Variants in KLHL1 observed in about 807,000 individuals in gnomAD.
KLHL1 encodes kelch like family member 1.
KLHL1 carries 47 observed loss-of-function variants against 77.7 expected under a neutral mutation model. The observed-to-expected ratio is 0.60, with a 90% CI of 0.48 to 0.77. The LOEUF is 0.77. Among genes scored for constraint, KLHL1 ranks in the 30% least tolerant of loss-of-function variants. KLHL1 has a pLI of 0.00. For missense variants in KLHL1, 925 were observed against 910.8 expected (o/e 1.02, Z -0.20); for synonymous variants, 360 against 325.2 (o/e 1.11, Z -1.15).
At chr13:69,961,867 T>TA (rs1233437696) in intron 2 of KLHL1, among the ~76,000 whole-genome samples, 1 of 152,052 alleles carries the variant, frequency 6.6e-6, no homozygotes, top group African/African-American at 2.4e-5. Context: ...ATAGTATTTT[T>TA]AAATTAGAAA....
intron 1 of KLHL1, among the ~76,000 whole-genome samples, chr13:70,052,923 G>A (rs1180130847): frequency 1.3e-5 from 2 of 151,880 alleles, no homozygotes; most frequent in Non-Finnish European, 2.9e-5. Flanking sequence ...AATCTATTGT[G>A]ATATTCACAA....
At chr13:70,039,334 A>G (rs1886316240) in intron 1 of KLHL1, among the ~76,000 whole-genome samples, 1 of 151,720 alleles carries the variant, frequency 6.6e-6, no homozygotes, top group South Asian at 2.1e-4. Context: ...TCCTCCTGCC[A>G]TGGCCTCTCA....
intron 1 of KLHL1, among the ~76,000 whole-genome samples, chr13:69,987,380 C>T (rs1466112964): frequency 1.3e-5 from 2 of 151,904 alleles, no homozygotes; most frequent in Non-Finnish European, 2.9e-5. Flanking sequence ...CTCATAGAAC[C>T]TCAAAATGGA....
chr13:69,837,158 T>C (rs1400381215), intron 6 of KLHL1, among the ~76,000 whole-genome samples: 2 of 151,868 alleles, frequency 1.3e-5, no homozygotes, highest in African/African-American at 4.8e-5. Flanking sequence ...GAAATTAGCT[T>C]ATACCTCACA....
chr13:70,016,126 G>T (rs1481733445), intron 1 of KLHL1, among the ~76,000 whole-genome samples: 1 of 152,126 alleles, frequency 6.6e-6, no homozygotes, highest in Admixed American at 6.5e-5. Flanking sequence ...AAAAACATAG[G>T]CCAGTACTAA....
chr13:69,753,779 G>C (rs17085330), intron 7 of KLHL1, among the ~76,000 whole-genome samples: 3,198 of 152,088 alleles, frequency 0.021, 125 homozygotes, highest in African/African-American at 0.073. Flanking sequence ...AGGATTCCGT[G>C]TATACCAATA....
intron 1 of KLHL1, among the ~76,000 whole-genome samples, chr13:70,011,809 G>A (rs75639940): frequency 0.23 from 35,374 of 151,950 alleles, 4,585 homozygotes; most frequent in East Asian, 0.55. Context: ...TTAAATTTGG[G>A]GGTTCCGTAT....
intron 1 of KLHL1, among the ~76,000 whole-genome samples, chr13:70,079,588 T>C (rs1566558161): frequency 6.6e-6 from 1 of 152,222 alleles, no homozygotes; most frequent in Non-Finnish European, 1.5e-5. Flanking sequence ...TTGAGACCAC[T>C]TATATACCTG....
At chr13:70,030,228 T>G (rs968410144) in intron 1 of KLHL1, among the ~76,000 whole-genome samples, 1 of 152,088 alleles carries the variant, frequency 6.6e-6, no homozygotes, top group Non-Finnish European at 1.5e-5. Context: ...TGAACTCAGC[T>G]CTGCACCAAG....
At chr13:69,945,598 TAA>T (rs1349937732) in intron 3 of KLHL1, among the ~76,000 whole-genome samples, 1 of 152,100 alleles carries the variant, frequency 6.6e-6, no homozygotes, top group Non-Finnish European at 1.5e-5. Flanking sequence ...ACTAAATTTT[TAA>T]AAAACTGGGC....
At chr13:69,728,148 T>A (rs1873384550) in intron 8 of KLHL1, among the ~76,000 whole-genome samples, 1 of 152,222 alleles carries the variant, frequency 6.6e-6, no homozygotes, top group Non-Finnish European at 1.5e-5. Context: ...CTTTCTTTTT[T>A]AATGTGTGAG....
intron 5 of KLHL1, among the ~76,000 whole-genome samples, chr13:69,867,354 C>T (rs1049582120): frequency 3.9e-5 from 6 of 151,932 alleles, no homozygotes; most frequent in Admixed American, 3.9e-4. Context: ...TTACTTTTGG[C>T]TTATCATTGA....
chr13:69,727,037 G>A (rs145407239), intron 8 of KLHL1, among the ~76,000 whole-genome samples: 2 of 151,996 alleles, frequency 1.3e-5, no homozygotes, highest in Non-Finnish European at 2.9e-5. Context: ...CAAATGGCAG[G>A]GAAAATTATT....
chr13:69,804,881 TAGTTTA>T (rs1877550837), intron 6 of KLHL1, among the ~76,000 whole-genome samples: 1 of 152,104 alleles, frequency 6.6e-6, no homozygotes. Flanking sequence ...CATTTTGGAA[TAGTTTA>T]AAATCAAAAA....
At position 70,026,596 on chromosome 13, in the gene KLHL1, A is replaced by T. The variant is rs576139525; in HGVS notation, c.498-50794T>A. Among the ~76,000 whole-genome samples, 5 of 152,204 alleles carry T rather than the reference A, an allele frequency of 3.3e-5. No homozygotes were observed. In the East Asian group the frequency reaches 9.6e-4, roughly 29 times the overall value. On this transcript the variant is annotated intron_variant, in intron 1 of 10. Transcript: ENST00000377844. ...TGGGTCCGTTCCCTCATGAGTAAAA[A>T]TAAGACAACATATATTTATAAGGCT...
intron 1 of KLHL1, among the ~76,000 whole-genome samples, chr13:70,106,110 A>G (rs1424852925): frequency 6.6e-6 from 1 of 151,742 alleles, no homozygotes; most frequent in South Asian, 2.1e-4. Flanking sequence ...TAGGTTATAC[A>G]TATATAATTT....
intron 5 of KLHL1, among the ~76,000 whole-genome samples, chr13:69,844,397 T>C (rs935866719): frequency 8.6e-5 from 13 of 151,726 alleles, no homozygotes; most frequent in Non-Finnish European, 1.6e-4. Context: ...CTACTCATTT[T>C]GACAAACTAA....
chr13:69,953,923 G>A (rs1369112503), intron 3 of KLHL1, among the ~76,000 whole-genome samples: 2 of 151,086 alleles, frequency 1.3e-5, no homozygotes, highest in Non-Finnish European at 3.0e-5. Flanking sequence ...TTTGCTGCAT[G>A]CTAAACTTTA....
chr13:69,940,025 A>C lies in KLHL1; in HGVS notation c.1014+15T>G. On this transcript the variant is annotated intron_variant, in intron 4 of 10. Coordinates refer to ENST00000377844, the MANE Select transcript of KLHL1 (RefSeq NM_020866.3). ...CAGAGTGTGTCTCCATTATTAAAACATTAAGTTTCCTTACCATTGTGTAGC... is the reference window on the plus strand; with the variant it reads ...CAGAGTGTGTCTCCATTATTAAAACCTTAAGTTTCCTTACCATTGTGTAGC... The C allele has an allele frequency of 6.3e-7, 1 of 1,577,328 alleles. No individual in the cohort carries two copies. The highest frequency in any genetic ancestry group is 8.6e-7 in the Non-Finnish European group (1 of 1,157,778).
Sources: gnomAD v4.1 joint callset for allele counts (sites outside exome capture counted in the v4.1 genomes callset) on GRCh38, gnomAD v4.1.1 for gene constraint, MANE v1.5 for transcripts, NCBI Gene and HGNC (gene_info 2026-07-23, HGNC 2026-07-21) for gene names.